Variants in EXOC6B observed in about 807,000 individuals in gnomAD.
EXOC6B encodes exocyst complex component 6B.
A neutral mutation model predicts 113.5 loss-of-function variants in EXOC6B; 54 were observed. The observed-to-expected ratio is 0.48, with a 90% confidence interval of 0.38 to 0.60. EXOC6B has a LOEUF of 0.60. EXOC6B is among the 20% of genes least tolerant of loss of function. The probability of loss-of-function intolerance (pLI) is 0.00; values close to 1 mark genes in which losing one functional copy is unlikely to be tolerated. For synonymous variants in EXOC6B, 357 were observed against 339.0 expected (o/e 1.05, Z -0.58); for missense variants, 797 against 977.5 (o/e 0.82, Z 2.46).
At chr2:72,403,179 T>G (rs1270040515) in intron 18 of EXOC6B, among the ~76,000 whole-genome samples, 1 of 152,230 alleles carries the variant, frequency 6.6e-6, no homozygotes, top group Non-Finnish European at 1.5e-5. Flanking sequence ...TTTACCAAGC[T>G]TTTCTTCTTG....
intron 6 of EXOC6B, among the ~76,000 whole-genome samples, chr2:72,646,279 T>G (rs1311411394): frequency 6.7e-6 from 1 of 149,412 alleles, no homozygotes; most frequent in Non-Finnish European, 1.5e-5. Flanking sequence ...AATAACAGGC[T>G]CTGAAATTGA....
At chr2:72,650,886 A>C (rs187702122) in intron 6 of EXOC6B, among the ~76,000 whole-genome samples, 103 of 151,792 alleles carry the variant, frequency 6.8e-4, no homozygotes, top group Middle Eastern at 6.8e-3. Flanking sequence ...TTTCTAAAAA[A>C]AAAAAAACAA....
chr2:72,543,620 G>A (rs1387361911), intron 8 of EXOC6B, among the ~76,000 whole-genome samples: 1 of 152,126 alleles, frequency 6.6e-6, no homozygotes, highest in Non-Finnish European at 1.5e-5. Context: ...GGTTAAAAGA[G>A]CAATATGACA....
intron 15 of EXOC6B, among the ~76,000 whole-genome samples, chr2:72,494,858 A>T (rs1699949450): frequency 6.6e-6 from 1 of 152,188 alleles, no homozygotes; most frequent in African/African-American, 2.4e-5. Flanking sequence ...ATCTACGGTG[A>T]ATAAACCAAT....
intron 6 of EXOC6B, among the ~76,000 whole-genome samples, chr2:72,602,799 T>C (rs1413033175): frequency 2.0e-5 from 3 of 152,294 alleles, no homozygotes; most frequent in Middle Eastern, 3.4e-3. Context: ...AGATCGAACA[T>C]CAGCCTTAGA....
intron 18 of EXOC6B, among the ~76,000 whole-genome samples, chr2:72,459,292 C>A (rs1697465981): frequency 6.6e-6 from 1 of 152,172 alleles, no homozygotes; most frequent in East Asian, 1.9e-4. Context: ...TGAAAACTGG[C>A]ACAAGACAGG....
At chr2:72,458,155 G>C (rs887505396) in intron 18 of EXOC6B, among the ~76,000 whole-genome samples, 38 of 152,256 alleles carry the variant, frequency 2.5e-4, no homozygotes, top group African/African-American at 9.1e-4. Context: ...CTCTGAGAGA[G>C]AGCCACTTCT....
chr2:72,738,310 C>T (rs1388569944), intron 2 of EXOC6B, among the ~76,000 whole-genome samples: 1 of 152,152 alleles, frequency 6.6e-6, no homozygotes, highest in Non-Finnish European at 1.5e-5. Context: ...ACTAGAACTA[C>T]CAACTACTGA....
chr2:72,651,720 C>G (rs1048959380), intron 6 of EXOC6B, among the ~76,000 whole-genome samples: 1 of 152,106 alleles, frequency 6.6e-6, no homozygotes, highest in Non-Finnish European at 1.5e-5. Flanking sequence ...CTCAGCCTCC[C>G]GAGTAGCTGG....
chr2:72,389,253 G>A (rs1692226991), intron 18 of EXOC6B, among the ~76,000 whole-genome samples: 1 of 151,646 alleles, frequency 6.6e-6, no homozygotes, highest in South Asian at 2.1e-4. Context: ...CTGAGGCTTT[G>A]TAATAAGTCT....
At chr2:72,678,461 C>G (rs190440736) in intron 6 of EXOC6B, among the ~76,000 whole-genome samples, 1 of 152,244 alleles carries the variant, frequency 6.6e-6, no homozygotes, top group Admixed American at 6.5e-5. Context: ...AATCCCAACA[C>G]TTTAGGAAGC....
At position 72,802,427 on chromosome 2, in the gene EXOC6B, T is replaced by C. The variant is rs561840321; in HGVS notation, c.113+23371A>G. On this transcript the variant is annotated intron_variant, in intron 1 of 21. Coordinates refer to ENST00000272427, the MANE Select transcript of EXOC6B (RefSeq NM_015189.3). ...AATCTATATAATACTATACTTAATA[T>C]ATATCTGTATCTATTGTGTATTGTT... Among the ~76,000 whole-genome samples the C allele has an allele frequency of 3.9e-4, 59 of 152,192 alleles. 1 individual carries two copies. Among genetic ancestry groups the C allele is most frequent in the Non-Finnish European group, 7.1e-4 (48 of 68,002 alleles).
At chr2:72,193,804 T>C (rs1044753853) in intron 20 of EXOC6B, among the ~76,000 whole-genome samples, 4 of 152,220 alleles carry the variant, frequency 2.6e-5, no homozygotes, top group Non-Finnish European at 4.4e-5. Context: ...GCTAAGGAGA[T>C]TGATTTTAGC....
At chr2:72,565,225 C>A (rs995955487) in intron 7 of EXOC6B, among the ~76,000 whole-genome samples, 3 of 151,930 alleles carry the variant, frequency 2.0e-5, no homozygotes, top group Admixed American at 1.3e-4. Flanking sequence ...ATGGCACATG[C>A]CTGTACTCCC....
chr2:72,802,168 C>CA (rs1187647688), intron 1 of EXOC6B, among the ~76,000 whole-genome samples: 3 of 151,222 alleles, frequency 2.0e-5, no homozygotes, highest in African/African-American at 4.9e-5. Context: ...ACTAAAACTA[C>CA]AAAAAAAATA....
intron 20 of EXOC6B, among the ~76,000 whole-genome samples, chr2:72,275,322 G>T (rs1377448913): frequency 1.3e-5 from 2 of 152,068 alleles, no homozygotes; most frequent in Admixed American, 1.3e-4. Context: ...CCATAAAGTT[G>T]TCTAACCCAT....
At chr2:72,565,349 T>TA (rs10672375) in intron 7 of EXOC6B, among the ~76,000 whole-genome samples, 3,604 of 44,840 alleles carry the variant, frequency 0.08, 274 homozygotes, top group Non-Finnish European at 0.1. Context: ...AGACCCTGTC[T>TA]AAAAAAAAAA....
intron 8 of EXOC6B, chr2:72,515,365 T>C: frequency 9.0e-7 from 1 of 1,116,394 alleles, no homozygotes. Flanking sequence ...TACCAGAACT[T>C]AATCACCAGC....
At chr2:72,235,497 C>T (rs537858519) in intron 20 of EXOC6B, among the ~76,000 whole-genome samples, 1 of 152,274 alleles carries the variant, frequency 6.6e-6, no homozygotes, top group African/African-American at 2.4e-5. Flanking sequence ...ACACACCAAA[C>T]CTCTGTGACA....
Sources: gnomAD v4.1 joint callset for allele counts (sites outside exome capture counted in the v4.1 genomes callset) on GRCh38, gnomAD v4.1.1 for gene constraint, MANE v1.5 for transcripts, NCBI Gene and HGNC (gene_info 2026-07-23, HGNC 2026-07-21) for gene names.